Variants in TBC1D1 observed in about 807,000 individuals in gnomAD.
TBC1D1 encodes the protein TBC1 domain family member 1, also known as TBC1 (tre-2/USP6, BUB2, cdc16) domain family, member 1.
A neutral mutation model predicts 125.6 loss-of-function variants in TBC1D1; 89 were observed. The ratio of observed to expected loss-of-function variants is 0.71; its 90% CI spans 0.60 to 0.85. TBC1D1 has a LOEUF of 0.85. TBC1D1 is among the 40% of genes least tolerant of loss of function. The probability of loss-of-function intolerance (pLI) is 0.00; values close to 1 mark genes in which losing one functional copy is unlikely to be tolerated. For missense variants in TBC1D1, 1,377 were observed against 1,469.2 expected (o/e 0.94, Z 1.03); for synonymous variants, 565 against 564.1 (o/e 1.00, Z -0.02).
At chr4:38,135,872 A>ATGTG (rs386399821) in intron 19 of TBC1D1, among the ~76,000 whole-genome samples, 16 of 129,316 alleles carry the variant, frequency 1.2e-4, no homozygotes, top group African/African-American at 3.6e-4. Context: ...GTGTATATAT[A>ATGTG]TGTGTGTGTG....
At chr4:37,950,611 A>G (rs1727643396) in intron 2 of TBC1D1, among the ~76,000 whole-genome samples, 1 of 139,760 alleles carries the variant, frequency 7.2e-6, no homozygotes, top group Non-Finnish European at 1.5e-5. Flanking sequence ...CCCAATAGCA[A>G]CATTCCCCAC....
At chr4:38,088,663 T>A (rs991277235) in intron 12 of TBC1D1, among the ~76,000 whole-genome samples, 1 of 152,170 alleles carries the variant, frequency 6.6e-6, no homozygotes, top group African/African-American at 2.4e-5. Flanking sequence ...ATTGTGTTCT[T>A]ACTCTGTGTT....
rs762701912 is a variant in TBC1D1, at chr4:38,014,600, C to A, written c.509C>A (p.Ser170Tyr). The A allele has an allele frequency of 6.2e-7, 1 of 1,613,428 alleles. No individual in the cohort carries two copies. The highest frequency in any genetic ancestry group is 8.5e-7 in the Non-Finnish European group (1 of 1,180,036). The change falls in exon 3 of 20, where the codon TCC (serine) becomes TAC (tyrosine). Residue 170 changes from serine (S) to tyrosine (Y), a missense_variant. Physicochemically the swap from Ser to Tyr is moderately radical, Grantham distance 144. Coordinates refer to ENST00000261439, the MANE Select transcript of TBC1D1 (RefSeq NM_015173.4). This position sits in a 1 kb window ranked among gnomAD's most constrained non-coding sequence, Gnocchi z 5.1. ...CCGTCCGAGTTCGACGACACGTTTT[C>A]CAAGAAGTTCGAGGTGCTCTTCTGC...
chr4:37,966,902 G>T (rs1731179680), intron 2 of TBC1D1, among the ~76,000 whole-genome samples: 1 of 152,162 alleles, frequency 6.6e-6, no homozygotes, highest in African/African-American at 2.4e-5. Context: ...CTTGCTCAGT[G>T]CACCTGAAGA....
At chr4:38,016,188 G>C (rs970804735) in intron 3 of TBC1D1, among the ~76,000 whole-genome samples, 1 of 152,238 alleles carries the variant, frequency 6.6e-6, no homozygotes, top group Admixed American at 6.5e-5. Flanking sequence ...GGTAAATGCC[G>C]TGGAGGAGAA....
At chr4:38,060,757 C>A in intron 12 of TBC1D1, 1 of 758,870 alleles carries the variant, frequency 1.3e-6, no homozygotes, top group Non-Finnish European at 1.9e-6. Context: ...CGGTGTTTTA[C>A]AAACTTGATG....
intron 2 of TBC1D1, among the ~76,000 whole-genome samples, chr4:37,954,425 C>G (rs1404020900): frequency 6.6e-6 from 1 of 151,558 alleles, no homozygotes; most frequent in Non-Finnish European, 1.5e-5. Flanking sequence ...TATGTGCCAA[C>G]TCATGAGCAT....
chr4:37,992,268 G>A (rs1002280566), intron 2 of TBC1D1, among the ~76,000 whole-genome samples: 2 of 152,048 alleles, frequency 1.3e-5, no homozygotes, highest in Non-Finnish European at 2.9e-5. Context: ...GTGTAGGCCC[G>A]GACCAGCGCT....
At chr4:38,006,820 CT>C in intron 2 of TBC1D1, 1 of 515,384 alleles carries the variant, frequency 1.9e-6, no homozygotes, top group South Asian at 1.4e-5. Context: ...CCTCTCCTTT[CT>C]TTGGTTTCCC....
At chr4:38,109,109 A>G (rs1761816418) in intron 15 of TBC1D1, among the ~76,000 whole-genome samples, 1 of 152,214 alleles carries the variant, frequency 6.6e-6, no homozygotes, top group Non-Finnish European at 1.5e-5. Context: ...AGAAACCTTC[A>G]TGGCAAAAGA....
At chr4:37,927,446 A>G (rs988408746) in intron 2 of TBC1D1, among the ~76,000 whole-genome samples, 1 of 152,138 alleles carries the variant, frequency 6.6e-6, no homozygotes, top group Admixed American at 6.5e-5. Context: ...TCTCTCTCTT[A>G]TATCTATTGC....
intron 2 of TBC1D1, among the ~76,000 whole-genome samples, chr4:37,909,687 A>T (rs1718132535): frequency 6.6e-6 from 1 of 152,150 alleles, no homozygotes; most frequent in Non-Finnish European, 1.5e-5. Context: ...TAAACTTCAA[A>T]CATTTGTCTC....
intron 12 of TBC1D1, 26 bp downstream of exon 14, chr4:38,054,364 C>T (rs2152486731): frequency 6.2e-7 from 1 of 1,613,230 alleles, no homozygotes; most frequent in East Asian, 2.2e-5. Context: ...GAAATGAAAC[C>T]TCAAAGAGAG....
At position 38,119,502 on chromosome 4, in the gene TBC1D1, G is replaced by A. The variant is rs562640284; in HGVS notation, c.2962+1310G>A. ...ATATCTTTAGTGAGAGTTCATGAAG[G>A]TTTATACCATGGTTAAAAAAAAAAA... On this transcript the variant is annotated intron_variant, in intron 17 of 19. Coordinates refer to ENST00000261439, the MANE Select transcript of TBC1D1 (RefSeq NM_015173.4). Among the ~76,000 whole-genome samples, 10 of 151,182 alleles carry A rather than the reference G, an allele frequency of 6.6e-5. No homozygotes were observed. The East Asian group carries it at 1.7e-3, about 26-fold the overall frequency.
intron 2 of TBC1D1, among the ~76,000 whole-genome samples, chr4:37,956,871 G>A (rs1315366527): frequency 2.0e-5 from 3 of 151,786 alleles, no homozygotes; most frequent in African/African-American, 7.3e-5. Context: ...CCCAGGAGGT[G>A]GAAGATGAAG....
In TBC1D1 at chr4:37,977,895, G is replaced by T. The variant is rs1208251831; in HGVS notation, c.418-36614G>T. 6.6e-6 allele frequency among the ~76,000 whole-genome samples: 1 copy of T among 152,074 alleles called. No homozygotes were observed. Among genetic ancestry groups the T allele is most frequent in the African/African-American group, 2.4e-5 (1 of 41,428 alleles). On this transcript the variant is annotated intron_variant, in intron 2 of 19. Coordinates refer to ENST00000261439, the MANE Select transcript of TBC1D1 (RefSeq NM_015173.4). The surrounding 1 kb of genome is among the most constrained non-coding windows in gnomAD (Gnocchi z 4.3). ...GGGACCTCGCGGAAGTCGACCCCGCGTGTCTCCCTCGCGGGTGTCGCCCTC... is the reference window on the plus strand; with the variant it reads ...GGGACCTCGCGGAAGTCGACCCCGCTTGTCTCCCTCGCGGGTGTCGCCCTC...
chr4:37,924,900 T>C (rs1280266444), intron 2 of TBC1D1, among the ~76,000 whole-genome samples: 2 of 152,224 alleles, frequency 1.3e-5, no homozygotes, highest in East Asian at 3.8e-4. Context: ...AGAAGTGGAA[T>C]TCCTGGGTCA....
intron 2 of TBC1D1, among the ~76,000 whole-genome samples, chr4:37,913,502 G>A (rs1319099493): frequency 6.6e-6 from 1 of 152,114 alleles, no homozygotes; most frequent in East Asian, 1.9e-4. Flanking sequence ...AGGAGGCTGA[G>A]GCAAGATAAT....
rs558095415 is a variant in TBC1D1, at chr4:37,993,575, A to G, written c.418-20934A>G. Among the ~76,000 whole-genome samples the G allele has an allele frequency of 2.0e-5, 3 of 150,320 alleles. No individual in the cohort carries two copies. The South Asian group carries it at 6.4e-4, about 32-fold the overall frequency. ...CTCCCTTGGCATGGGGCAAACAACA[A>G]AGCTTTATTTATTTATTTATTTTTG... On this transcript the variant is annotated intron_variant, in intron 2 of 19. Transcript: ENST00000261439.
Sources: gnomAD v4.1 joint callset for allele counts (sites outside exome capture counted in the v4.1 genomes callset) on GRCh38, gnomAD v4.1.1 for gene constraint, Gnocchi (gnomAD v3.1) non-coding constraint, MANE v1.5 for transcripts, NCBI Gene and HGNC (gene_info 2026-07-23, HGNC 2026-07-21) for gene names.